Variants in ZRANB3 observed in about 807,000 individuals in gnomAD.
ZRANB3 encodes the protein DNA annealing helicase and endonuclease ZRANB3.
Under a neutral mutation model 133.8 loss-of-function variants are expected in ZRANB3, and 125 were observed. That is an observed-to-expected ratio of 0.93 (90% CI 0.81 to 1.08). The LOEUF is 1.08. Among genes scored for constraint, ZRANB3 ranks in the 50% least tolerant of loss-of-function variants. ZRANB3 has a pLI of 0.00. For missense variants in ZRANB3, 1,229 were observed against 1,275.5 expected, an observed-to-expected ratio of 0.96 and a Z score of 0.56; for synonymous variants, 387 against 432.7, an observed-to-expected ratio of 0.89 and a Z score of 1.31.
intron 4 of ZRANB3, among the ~76,000 whole-genome samples, chr2:135,352,534 A>G (rs1685257442): frequency 6.6e-6 from 1 of 152,054 alleles, no homozygotes; most frequent in East Asian, 1.9e-4. Context: ...AATAGAGTCC[A>G]GATTTTCTTG....
Position 135,398,684 on chromosome 2 carries a change from A to C in ZRANB3, c.162-7864T>G, listed in dbSNP as rs368333282. 2.3e-4 allele frequency among the ~76,000 whole-genome samples: 34 copies of C among 148,538 alleles called. No homozygotes were observed. In the East Asian group the frequency reaches 6.2e-3, roughly 27 times the overall value. On this transcript the variant is annotated intron_variant, in intron 2 of 20. Coordinates refer to ENST00000264159, the MANE Select transcript of ZRANB3 (RefSeq NM_032143.4). Reference sequence around the variant, plus strand: ...TAGGCGCCCGCCACCATGCCCAGCTAATTTTTTTTTTTGTATTTTTAGTAG... The same window carrying C: ...TAGGCGCCCGCCACCATGCCCAGCTCATTTTTTTTTTTGTATTTTTAGTAG...
chr2:135,364,219 A>T (rs1162514449), intron 3 of ZRANB3, among the ~76,000 whole-genome samples: 2 of 152,166 alleles, frequency 1.3e-5, no homozygotes, highest in Non-Finnish European at 2.9e-5. Flanking sequence ...AATAACTACT[A>T]TAATGATTAA....
chr2:135,479,955 T>G (rs914636090), intron 2 of ZRANB3, among the ~76,000 whole-genome samples: 3 of 151,892 alleles, frequency 2.0e-5, no homozygotes, highest in African/African-American at 7.3e-5. Context: ...TTTTTTTTTT[T>G]GAGACGGATG....
chr2:135,332,291 C>T (rs1684183112), intron 6 of ZRANB3, among the ~76,000 whole-genome samples: 1 of 152,108 alleles, frequency 6.6e-6, no homozygotes, highest in Non-Finnish European at 1.5e-5. Flanking sequence ...GTTTTGCTCT[C>T]TGAGGCCACA....
At position 135,455,171 on chromosome 2, in the gene ZRANB3, CTTTTTTTTTTT is replaced by C. The variant is rs1166170814; in HGVS notation, c.161+49147_161+49157del. ...AATGGGATCACAATGCCTTCTTATACTTTTTTTTTTTTTTTTTTTTTTTTTTTTTTTTTTGA... is the reference window on the plus strand; with the variant it reads ...AATGGGATCACAATGCCTTCTTATACTTTTTTTTTTTTTTTTTTTTTTTGA... On this transcript the variant is annotated intron_variant, in intron 2 of 20. Transcript: ENST00000264159. Among the ~76,000 whole-genome samples the C allele has an allele frequency of 4.1e-3, 155 of 37,574 alleles. 1 individual carries two copies. The highest frequency in any genetic ancestry group is 0.024 in the Middle Eastern group (1 of 42). The allele number at this position is 37,574 out of a possible 152,430, so 24.7% of individuals were successfully genotyped here. A position where few individuals can be genotyped will look rare whatever the true frequency, so the allele number is the denominator to read the frequency against.
intron 8 of ZRANB3, among the ~76,000 whole-genome samples, chr2:135,301,771 T>C (rs1682442193): frequency 6.6e-6 from 1 of 152,330 alleles, no homozygotes; most frequent in African/African-American, 2.4e-5. Flanking sequence ...TCTTCTCTCA[T>C]GTACTTTCAT....
intron 6 of ZRANB3, among the ~76,000 whole-genome samples, chr2:135,319,579 G>T (rs897417315): frequency 6.6e-6 from 1 of 151,942 alleles, no homozygotes. Flanking sequence ...TAAGCTATAA[G>T]AATTGAAAGA....
At chr2:135,255,914 T>A (rs1008288434) in intron 12 of ZRANB3, among the ~76,000 whole-genome samples, 52 of 108,230 alleles carry the variant, frequency 4.8e-4, no homozygotes, top group African/African-American at 4.5e-3. Context: ...TCATTAAAAT[T>A]TTTTTTTTTT....
At position 135,343,960 on chromosome 2, in the gene ZRANB3, G is replaced by GA. The variant is rs1210660571; in HGVS notation, c.677+1589dup. ...TATACCTTCCGTGGAGTATGATTTG[G>GA]AAAAATCTAATAATATAAAAATGCA... On this transcript the variant is annotated intron_variant, in intron 6 of 20. Coordinates refer to ENST00000264159, the MANE Select transcript of ZRANB3 (RefSeq NM_032143.4). 1.4e-4 allele frequency among the ~76,000 whole-genome samples: 21 copies of GA among 152,060 alleles called. 1 individual carries two copies. The highest frequency in any genetic ancestry group is 5.1e-4 in the African/African-American group (21 of 41,364).
chr2:135,275,050 G>T (rs1680722367), intron 9 of ZRANB3, among the ~76,000 whole-genome samples: 1 of 152,218 alleles, frequency 6.6e-6, no homozygotes, highest in East Asian at 1.9e-4. Flanking sequence ...GCAACAATCT[G>T]ATTTCTCTAT....
rs140399390 is a variant in ZRANB3 at position 135,289,920 on chromosome 2, C to T, written c.967-14165G>A. ...CCTGTCTCAAAAACAAAAACAAAAACATTCGATTTTCTGAAATTTATTAAG... is the reference window on the plus strand; with the variant it reads ...CCTGTCTCAAAAACAAAAACAAAAATATTCGATTTTCTGAAATTTATTAAG... On this transcript the variant is annotated intron_variant, in intron 8 of 20. Coordinates refer to ENST00000264159, the MANE Select transcript of ZRANB3 (RefSeq NM_032143.4). Among the ~76,000 whole-genome samples the T allele has an allele frequency of 6.6e-5, 10 of 152,194 alleles. No homozygotes were observed. The East Asian group carries it at 1.7e-3, about 26-fold the overall frequency.
At chr2:135,444,972 T>C (rs1689950996) in intron 2 of ZRANB3, among the ~76,000 whole-genome samples, 1 of 152,104 alleles carries the variant, frequency 6.6e-6, no homozygotes, top group Admixed American at 6.6e-5. Flanking sequence ...CCTCCGTAAG[T>C]GTAATTTTGG....
At chr2:135,208,605 T>TC (rs1693975499) in intron 18 of ZRANB3, among the ~76,000 whole-genome samples, 1 of 152,168 alleles carries the variant, frequency 6.6e-6, no homozygotes, top group Non-Finnish European at 1.5e-5. Context: ...TAACCTCAGG[T>TC]CTCCTGGCCT....
chr2:135,486,865 A>G (rs956539050), intron 2 of ZRANB3, among the ~76,000 whole-genome samples: 3 of 152,180 alleles, frequency 2.0e-5, no homozygotes, highest in Non-Finnish European at 2.9e-5. Flanking sequence ...ACTGGGATCA[A>G]CTTCTTCCAA....
At chr2:135,250,123 A>C (rs1438844532) in intron 12 of ZRANB3, among the ~76,000 whole-genome samples, 1 of 152,154 alleles carries the variant, frequency 6.6e-6, no homozygotes, top group Non-Finnish European at 1.5e-5. Flanking sequence ...GGGGATGAGG[A>C]ATTTGCTGGG....
rs370592291 is a variant in ZRANB3 at position 135,224,043 on chromosome 2, G to T, written c.2250+383C>A. ...TTTTAACAATTTTTAATTTTTAAGG[G>T]TACACAGTAGGTTTATATATTTATG... is the stretch of plus-strand genomic sequence containing the variant. On this transcript the variant is annotated intron_variant, in intron 15 of 20. Transcript: ENST00000264159. Among the ~76,000 whole-genome samples the T allele has an allele frequency of 4.6e-5, 7 of 152,192 alleles. No homozygotes were observed. In the South Asian group the frequency reaches 8.3e-4, roughly 18 times the overall value.
chr2:135,416,864 T>C (rs1688599283), intron 2 of ZRANB3, among the ~76,000 whole-genome samples: 1 of 152,138 alleles, frequency 6.6e-6, no homozygotes, highest in South Asian at 2.1e-4. Context: ...GGGGAAAGGA[T>C]TCCCTATTTA....
intron 5 of ZRANB3, among the ~76,000 whole-genome samples, chr2:135,349,267 A>G (rs1685084900): frequency 6.6e-6 from 1 of 152,204 alleles, no homozygotes; most frequent in Non-Finnish European, 1.5e-5. Flanking sequence ...AGGGTGAGGA[A>G]CTTTCAAAGC....
intron 9 of ZRANB3, among the ~76,000 whole-genome samples, chr2:135,274,313 T>C (rs1573807168): frequency 6.6e-6 from 1 of 152,220 alleles, no homozygotes; most frequent in African/African-American, 2.4e-5. Flanking sequence ...CCTGATAAAT[T>C]ACTTGGGCCA....
Sources: allele counts gnomAD v4.1 joint callset (sites outside exome capture counted in the v4.1 genomes callset), GRCh38; gene constraint gnomAD v4.1.1; transcripts MANE v1.5; gene names NCBI Gene and HGNC (gene_info 2026-07-23, HGNC 2026-07-21).